SEMA5A: variants seen among roughly 807,000 people sequenced by gnomAD.
SEMA5A encodes semaphorin 5A.
In SEMA5A, 55 loss-of-function variants were observed where a neutral mutation model predicts 135.5. The ratio of observed to expected loss-of-function variants is 0.41; its 90% confidence interval spans 0.33 to 0.51. The LOEUF (loss-of-function observed/expected upper bound fraction) is 0.51, where lower values mean the gene tolerates loss of function less well. Among genes scored for constraint, SEMA5A ranks in the 20% least tolerant of loss-of-function variants. SEMA5A has a pLI of 0.37. For missense variants in SEMA5A, 1,290 were observed against 1,419.9 expected (o/e 0.91, Z 1.47); for synonymous variants, 580 against 546.5 (o/e 1.06, Z -0.85).
intron 5 of SEMA5A, among the ~76,000 whole-genome samples, chr5:9,259,237 A>G (rs1244695321): frequency 1.3e-5 from 2 of 152,202 alleles, no homozygotes; most frequent in African/African-American, 4.8e-5. Context: ...TCTGGGCAAA[A>G]TTTGCTTTTA....
intron 5 of SEMA5A, among the ~76,000 whole-genome samples, chr5:9,282,024 G>A (rs1337980735): frequency 1.3e-5 from 2 of 151,930 alleles, no homozygotes; most frequent in African/African-American, 2.4e-5. Context: ...TCTTGGCCAG[G>A]CTGGTCTTGA....
At chr5:9,308,420 G>A (rs1751972825) in intron 5 of SEMA5A, among the ~76,000 whole-genome samples, 1 of 152,132 alleles carries the variant, frequency 6.6e-6, no homozygotes. Context: ...ATATGCTCTA[G>A]AGCTGCATCT....
At chr5:9,530,775 C>A (rs1384017990) in intron 1 of SEMA5A, among the ~76,000 whole-genome samples, 4 of 152,128 alleles carry the variant, frequency 2.6e-5, no homozygotes, top group African/African-American at 9.7e-5. Flanking sequence ...AGAGGCTAAT[C>A]AAGGAATCTT....
At chr5:9,166,836 CT>C (rs1743637229) in intron 11 of SEMA5A, among the ~76,000 whole-genome samples, 1 of 152,194 alleles carries the variant, frequency 6.6e-6, no homozygotes, top group African/African-American at 2.4e-5. Flanking sequence ...TCCAATCATT[CT>C]GTTAAGGAAG....
chr5:9,134,088 A>T (rs370914455), intron 13 of SEMA5A, among the ~76,000 whole-genome samples: 1 of 152,096 alleles, frequency 6.6e-6, no homozygotes, highest in Non-Finnish European at 1.5e-5. Flanking sequence ...CATGATTGTA[A>T]GTTTTCTGAG....
At chr5:9,195,624 G>A (rs1287196087) in intron 10 of SEMA5A, among the ~76,000 whole-genome samples, 1 of 152,176 alleles carries the variant, frequency 6.6e-6, no homozygotes, top group Non-Finnish European at 1.5e-5. Flanking sequence ...ATAGATAGAT[G>A]TGTGATAAAA....
In SEMA5A at chr5:9,040,209, A is replaced by G. The variant is rs150239021; in HGVS notation, c.*2688T>C. 2.6e-5 allele frequency: 4 copies of G among 152,386 alleles called. No homozygotes were observed. Among genetic ancestry groups the G allele is most frequent in the Non-Finnish European group, 5.9e-5 (4 of 68,038 alleles). 9.4% of individuals were successfully genotyped at this position (152,386 alleles called of 1,614,324 possible). On this transcript the variant is annotated 3_prime_UTR_variant, in exon 23 of 23. Transcript: ENST00000382496. The stretch of plus-strand genomic sequence containing the variant: ...AAAGAAGAAAAGAAGGCAGGAAGGA[A>G]GAACAAAAGGAGGGAATGAAGGACA...
At chr5:9,322,614 A>G (rs1025013055) in intron 4 of SEMA5A, among the ~76,000 whole-genome samples, 1 of 152,192 alleles carries the variant, frequency 6.6e-6, no homozygotes, top group African/African-American at 2.4e-5. Flanking sequence ...ATCAAGAACT[A>G]AGAGTCACTA....
intron 1 of SEMA5A, among the ~76,000 whole-genome samples, chr5:9,492,396 A>C (rs1735065523): frequency 6.6e-6 from 1 of 152,208 alleles, no homozygotes; most frequent in African/African-American, 2.4e-5. Context: ...GTCACATCAG[A>C]GGGAGTTTTT....
intron 13 of SEMA5A, among the ~76,000 whole-genome samples, chr5:9,134,211 T>C (rs1037026799): frequency 5.3e-5 from 8 of 152,212 alleles, no homozygotes; most frequent in Admixed American, 5.2e-4. Flanking sequence ...AGTGGCATGA[T>C]CTCGGTTCAC....
At chr5:9,444,713 G>T (rs943533772) in intron 1 of SEMA5A, among the ~76,000 whole-genome samples, 4 of 152,286 alleles carry the variant, frequency 2.6e-5, no homozygotes, top group African/African-American at 7.2e-5. Flanking sequence ...CCCAGTAGTT[G>T]CACCACCTAA....
intron 12 of SEMA5A, among the ~76,000 whole-genome samples, chr5:9,138,408 TG>T (rs1741879848): frequency 6.6e-6 from 1 of 152,192 alleles, no homozygotes; most frequent in Non-Finnish European, 1.5e-5. Flanking sequence ...TATATAATAA[TG>T]ATATGCAATA....
intron 2 of SEMA5A, among the ~76,000 whole-genome samples, chr5:9,423,444 T>A (rs1425851871): frequency 6.6e-6 from 1 of 152,234 alleles, no homozygotes; most frequent in Non-Finnish European, 1.5e-5. Flanking sequence ...AAGGCTTCCC[T>A]ATGGATTCTA....
intron 1 of SEMA5A, among the ~76,000 whole-genome samples, chr5:9,515,881 A>C (rs939917135): frequency 2.0e-5 from 3 of 152,216 alleles, no homozygotes; most frequent in African/African-American, 7.2e-5. Flanking sequence ...GACCCATAGG[A>C]CATCTCACTT....
chr5:9,139,947 C>T (rs1560954610), intron 12 of SEMA5A, among the ~76,000 whole-genome samples: 1 of 149,168 alleles, frequency 6.7e-6, no homozygotes, highest in Non-Finnish European at 1.5e-5. Flanking sequence ...GTATTTTTCT[C>T]CTCCTCATAA....
intron 5 of SEMA5A, among the ~76,000 whole-genome samples, chr5:9,311,527 G>A (rs1253617983): frequency 2.0e-5 from 3 of 150,370 alleles, no homozygotes; most frequent in African/African-American, 7.4e-5. Flanking sequence ...CTCACTCATA[G>A]GTGGGAATTG....
At chr5:9,525,145 T>C (rs1737057422) in intron 1 of SEMA5A, among the ~76,000 whole-genome samples, 1 of 152,232 alleles carries the variant, frequency 6.6e-6, no homozygotes, top group Admixed American at 6.5e-5. Flanking sequence ...TGCTTCTTTA[T>C]GTAAATAAAG....
intron 5 of SEMA5A, among the ~76,000 whole-genome samples, chr5:9,274,862 G>A (rs1158235649): frequency 3.3e-5 from 5 of 152,094 alleles, no homozygotes. Flanking sequence ...GGCACTAAAT[G>A]CCCAAAAGAG....
chr5:9,309,237 T>C (rs1384316471), intron 5 of SEMA5A, among the ~76,000 whole-genome samples: 2 of 152,098 alleles, frequency 1.3e-5, no homozygotes. Flanking sequence ...TACAGAAATG[T>C]TAGAATCATG....
Sources: allele counts gnomAD v4.1 joint callset (sites outside exome capture counted in the v4.1 genomes callset), GRCh38; gene constraint gnomAD v4.1.1; transcripts MANE v1.5; gene names NCBI Gene and HGNC (gene_info 2026-07-23, HGNC 2026-07-21).